Variants in UNC5D observed in about 807,000 individuals in gnomAD.
UNC5D encodes the protein unc-5 netrin receptor D, also known as netrin receptor UNC5D.
A neutral mutation model predicts 105.4 loss-of-function variants in UNC5D; 39 were observed. The observed-to-expected ratio is 0.37, with a 90% CI of 0.29 to 0.48. The LOEUF is 0.48. Among genes scored for constraint, UNC5D ranks in the 20% least tolerant of loss-of-function variants. The probability of loss-of-function intolerance (pLI) is 0.98; values close to 1 mark genes in which losing one functional copy is unlikely to be tolerated. For synonymous variants in UNC5D, 452 were observed against 450.4 expected, an observed-to-expected ratio of 1.00 and a Z score of -0.04; for missense variants, 991 against 1,202.4, an observed-to-expected ratio of 0.82 and a Z score of 2.60.
At chr8:35,688,964 G>C (rs1421682054) in intron 7 of UNC5D, among the ~76,000 whole-genome samples, 3 of 152,328 alleles carry the variant, frequency 2.0e-5, no homozygotes, top group Middle Eastern at 3.4e-3. Context: ...TCAATTTTAT[G>C]TGTCAACCTG....
intron 1 of UNC5D, among the ~76,000 whole-genome samples, chr8:35,538,422 T>C (rs1283019911): frequency 1.1e-5 from 1 of 90,468 alleles, no homozygotes; most frequent in Non-Finnish European, 2.2e-5. Flanking sequence ...TATATATATA[T>C]ATATATATAT....
intron 14 of UNC5D, among the ~76,000 whole-genome samples, chr8:35,764,574 C>CT (rs1801681779): frequency 6.6e-6 from 1 of 152,172 alleles, no homozygotes; most frequent in African/African-American, 2.4e-5. Context: ...GAGAAAATGA[C>CT]TTACTGTAGG....
chr8:35,273,981 A>G (rs1272163566), intron 1 of UNC5D, among the ~76,000 whole-genome samples: 1 of 151,932 alleles, frequency 6.6e-6, no homozygotes, highest in Non-Finnish European at 1.5e-5. Context: ...TTTTTATATT[A>G]ATGTCAATTT....
chr8:35,667,154 G>C (rs542565956), intron 4 of UNC5D, among the ~76,000 whole-genome samples: 2 of 152,092 alleles, frequency 1.3e-5, no homozygotes, highest in South Asian at 4.2e-4. Context: ...AATGAAAATA[G>C]CTTTTTTCCC....
intron 4 of UNC5D, among the ~76,000 whole-genome samples, chr8:35,617,326 C>G: frequency 1.3e-5 from 2 of 152,230 alleles, no homozygotes; most frequent in South Asian, 4.1e-4. Flanking sequence ...GAGTTTTCTG[C>G]GTAACTGCTA....
intron 1 of UNC5D, among the ~76,000 whole-genome samples, chr8:35,309,946 T>A (rs1169741794): frequency 6.6e-6 from 1 of 152,196 alleles, no homozygotes; most frequent in East Asian, 1.9e-4. Flanking sequence ...TTAAATTTAG[T>A]GATAGTTTTA....
chr8:35,258,506 C>T (rs1804236225), intron 1 of UNC5D, among the ~76,000 whole-genome samples: 2 of 152,118 alleles, frequency 1.3e-5, no homozygotes, highest in African/African-American at 4.8e-5. Context: ...ATAATTGAAC[C>T]TTTCTGTGTT....
intron 3 of UNC5D, among the ~76,000 whole-genome samples, chr8:35,582,303 C>A (rs2579901): frequency 0.091 from 13,860 of 152,224 alleles, 660 homozygotes; most frequent in Middle Eastern, 0.11. Flanking sequence ...TCCTGGAAAG[C>A]ATCTTCCTGA....
chr8:35,280,468 C>G (rs1373193881), intron 1 of UNC5D, among the ~76,000 whole-genome samples: 1 of 152,122 alleles, frequency 6.6e-6, no homozygotes. Context: ...ATATTTATTT[C>G]TGCATTGGAA....
At chr8:35,687,983 T>A (rs1452904295) in intron 7 of UNC5D, among the ~76,000 whole-genome samples, 1 of 151,868 alleles carries the variant, frequency 6.6e-6, no homozygotes, top group African/African-American at 2.4e-5. Flanking sequence ...ACAAAAAAAA[T>A]TAGCTGGGCG....
At position 35,294,784 on chromosome 8, in the gene UNC5D, C is replaced by T. The variant is rs138288053; in HGVS notation, c.103+58897C>T. On this transcript the variant is annotated intron_variant, in intron 1 of 16. Transcript: ENST00000404895. ...AACCACAGCTGGAGACCTCAATCTA[C>T]GGTATGTATTAAGCAGCTCAACTTT... Among the ~76,000 whole-genome samples the T allele has an allele frequency of 6.6e-5, 10 of 150,778 alleles. No individual in the cohort carries two copies. The East Asian group carries it at 1.2e-3, about 18-fold the overall frequency.
chr8:35,708,878 A>C (rs1827767747), intron 8 of UNC5D, among the ~76,000 whole-genome samples: 1 of 152,090 alleles, frequency 6.6e-6, no homozygotes, highest in African/African-American at 2.4e-5. Context: ...AACTTCCTCA[A>C]AGTTGAAATT....
intron 13 of UNC5D, among the ~76,000 whole-genome samples, chr8:35,758,975 A>T (rs1206948284): frequency 6.6e-6 from 1 of 152,212 alleles, no homozygotes; most frequent in Non-Finnish European, 1.5e-5. Context: ...GTGGTCAGAG[A>T]GTGAAATTCC....
Position 35,401,351 on chromosome 8 carries a change from G to A in UNC5D, c.104-147941G>A, listed in dbSNP as rs1241325577. 2.0e-5 allele frequency among the ~76,000 whole-genome samples: 3 copies of A among 152,082 alleles called. No homozygotes were observed. The South Asian group carries it at 6.2e-4, about 32-fold the overall frequency. ...ATATAAAAATTAGCCGGGCATAGTG[G>A]CACATGCTTGTAATCTCAGCTACTC... On this transcript the variant is annotated intron_variant, in intron 1 of 16. Transcript: ENST00000404895.
At chr8:35,785,195 T>C (rs77064243) in intron 16 of UNC5D, among the ~76,000 whole-genome samples, 145 of 152,292 alleles carry the variant, frequency 9.5e-4, no homozygotes, top group African/African-American at 3.3e-3. Context: ...ACCAGCATTA[T>C]GATGAAGAGA....
chr8:35,525,444 G>A (rs1813797718), intron 1 of UNC5D: 19 of 1,612,192 alleles, frequency 1.2e-5, no homozygotes, highest in Non-Finnish European at 1.6e-5. Context: ...AGAGACACCA[G>A]CACTGATTGC....
intron 1 of UNC5D, among the ~76,000 whole-genome samples, chr8:35,274,759 A>G (rs555318900): frequency 6.6e-6 from 1 of 152,260 alleles, no homozygotes; most frequent in South Asian, 2.1e-4. Context: ...GGCAACCACA[A>G]CCCAAGAACA....
rs117286282 is a variant in UNC5D, at chr8:35,543,099, C to T, written c.104-6193C>T. ...GTCACAGAGTTAACACAGACCTTGTCAGGTTATTTGATTCTCATGTAAAGT... is the reference window on the plus strand; with the variant it reads ...GTCACAGAGTTAACACAGACCTTGTTAGGTTATTTGATTCTCATGTAAAGT... On this transcript the variant is annotated intron_variant, in intron 1 of 16. Coordinates refer to ENST00000404895, the MANE Select transcript of UNC5D (RefSeq NM_080872.4). Among the ~76,000 whole-genome samples, 340 of 152,268 alleles carry T rather than the reference C, an allele frequency of 2.2e-3. 2 individuals are homozygous for T. The highest frequency in any genetic ancestry group is 6.8e-3 in the Middle Eastern group (2 of 294).
intron 1 of UNC5D, among the ~76,000 whole-genome samples, chr8:35,449,648 A>G (rs1249011271): frequency 1.3e-5 from 2 of 151,926 alleles, no homozygotes; most frequent in Non-Finnish European, 2.9e-5. Flanking sequence ...AACTCACTCT[A>G]TGTCATCCTG....
Sources: gnomAD v4.1 joint callset for allele counts (sites outside exome capture counted in the v4.1 genomes callset) on GRCh38, gnomAD v4.1.1 for gene constraint, MANE v1.5 for transcripts, NCBI Gene and HGNC (gene_info 2026-07-23, HGNC 2026-07-21) for gene names.